Variants in PAK6 observed in about 807,000 individuals in gnomAD.
The protein encoded by PAK6 is serine/threonine-protein kinase PAK 6.
Under a neutral mutation model 60.8 loss-of-function variants are expected in PAK6, and 33 were observed. The ratio of observed to expected loss-of-function variants is 0.54; its 90% CI spans 0.41 to 0.73. The LOEUF (loss-of-function observed/expected upper bound fraction) is 0.73. Among genes scored for constraint, PAK6 ranks in the 30% least tolerant of loss-of-function variants. The pLI, the probability that PAK6 is intolerant of heterozygous loss-of-function variation, is 0.00. For synonymous variants in PAK6, 404 were observed against 378.5 expected, an observed-to-expected ratio of 1.07 and a Z score of -0.78; for missense variants, 845 against 904.1, an observed-to-expected ratio of 0.93 and a Z score of 0.84.
At chr15:40,247,993 A>G (rs1373520907) in intron 2 of PAK6, among the ~76,000 whole-genome samples, 3 of 152,188 alleles carry the variant, frequency 2.0e-5, no homozygotes, top group Non-Finnish European at 4.4e-5. Context: ...CTGCTCCTCC[A>G]TAGCCCTGTA....
intron 9 of PAK6, 109 bp from the exon 10 acceptor site, chr15:40,274,033 C>T: frequency 7.5e-7 from 1 of 1,333,364 alleles, no homozygotes; most frequent in Non-Finnish European, 1.1e-6. Context: ...ACAGACCCAC[C>T]AAGGAGAGCT....
chr15:40,272,911 T>C (rs1408924116), exon 7 of PAK6: 1 of 1,614,092 alleles, frequency 6.2e-7, no homozygotes, highest in South Asian at 1.1e-5. Flanking sequence ...GGTGGAGATG[T>C]ACAAGAGCTA....
intron 2 of PAK6, among the ~76,000 whole-genome samples, chr15:40,243,542 G>A (rs1002030007): frequency 2.5e-4 from 38 of 152,184 alleles, no homozygotes; most frequent in African/African-American, 8.0e-4. Flanking sequence ...TATTATCACC[G>A]TGATGATAAC....
At chr15:40,262,491 G>A (rs2039008901) in intron 3 of PAK6, among the ~76,000 whole-genome samples, 2 of 151,622 alleles carry the variant, frequency 1.3e-5, no homozygotes, top group South Asian at 4.2e-4. Context: ...GCGACAGGGC[G>A]GCAAGACTCC....
intron 3 of PAK6, among the ~76,000 whole-genome samples, chr15:40,260,982 A>G (rs907574354): frequency 6.6e-6 from 1 of 151,038 alleles, no homozygotes; most frequent in African/African-American, 2.4e-5. Flanking sequence ...TCCGCCTCCC[A>G]GGTTCACGCC....
At chr15:40,239,635 C>T (rs559357162) in exon 1 of PAK6, 1 of 152,600 alleles carries the variant, frequency 6.6e-6, no homozygotes, top group South Asian at 2.1e-4. Flanking sequence ...TGTGTGTGTC[C>T]TCTGGAGGTG....
exon 4 of PAK6, chr15:40,264,908 G>A (rs1449703752): frequency 1.2e-6 from 2 of 1,613,804 alleles, no homozygotes; most frequent in African/African-American, 2.7e-5. Context: ...CACAATGGCA[G>A]AACATCCTGG....
intron 3 of PAK6, chr15:40,259,987 G>A (rs563514337): frequency 7.9e-5 from 12 of 151,944 alleles, no homozygotes; most frequent in Non-Finnish European, 1.8e-4. Flanking sequence ...ATTACCATTG[G>A]CAAAATCTTT....
chr15:40,264,723 C>A, intron 3 of PAK6, 58 bp from the exon 4 acceptor site: 4 of 1,496,956 alleles, frequency 2.7e-6, no homozygotes, highest in Non-Finnish European at 3.7e-6. Flanking sequence ...TGCCCCAGGC[C>A]CTGCTGCAGC....
chr15:40,276,149 C>G lies in PAK6; in HGVS notation c.*55C>G, dbSNP rs964230654. On this transcript the variant is annotated 3_prime_UTR_variant, in exon 11 of 11. Transcript: ENST00000560346. ...CCCACAGGCAGGGCACACTGGGCAG[C>G]CAGCCTGCCGGCAGGACTTGCCTGC... The G allele has an allele frequency of 1.9e-6, 3 of 1,550,410 alleles. No homozygotes were observed. In the East Asian group the frequency reaches 6.8e-5, roughly 35 times the overall value.
intron 1 of PAK6, 63 bp downstream of exon 1, chr15:40,239,865 T>C (rs2038268876): frequency 6.6e-6 from 1 of 152,522 alleles, no homozygotes; most frequent in African/African-American, 2.4e-5. Flanking sequence ...TGTAAGCCAG[T>C]GTGTGTGCCG....
At chr15:40,251,748 T>G (rs1244318216) in intron 2 of PAK6, 1 of 152,418 alleles carries the variant, frequency 6.6e-6, no homozygotes, top group East Asian at 1.9e-4. Flanking sequence ...GTCTTCTCAC[T>G]TCTTTATCTG....
At chr15:40,269,929 GC>G (rs2140987829) in intron 5 of PAK6, among the ~76,000 whole-genome samples, 1 of 152,346 alleles carries the variant, frequency 6.6e-6, no homozygotes, top group African/African-American at 2.4e-5. Context: ...CCATGCAGAA[GC>G]CCTCAAGGCC....
At chr15:40,244,379 T>C (rs1203711802) in intron 2 of PAK6, among the ~76,000 whole-genome samples, 1 of 145,248 alleles carries the variant, frequency 6.9e-6, no homozygotes, top group African/African-American at 2.5e-5. Flanking sequence ...CTCAGAGACT[T>C]TTGTTTTCTC....
At chr15:40,266,131 G>C (rs1356881607) in exon 5 of PAK6, 2 of 1,609,888 alleles carry the variant, frequency 1.2e-6, no homozygotes, top group Admixed American at 3.3e-5. Flanking sequence ...GAGCCACAGA[G>C]CCCACGGGTC....
At chr15:40,249,414 T>C (rs1254630292) in intron 2 of PAK6, among the ~76,000 whole-genome samples, 2 of 152,234 alleles carry the variant, frequency 1.3e-5, no homozygotes, top group Non-Finnish European at 2.9e-5. Flanking sequence ...AAAATGCGAA[T>C]AATAATTGTA....
In PAK6 at chr15:40,265,839, C is replaced by A. The variant is rs764463480; in HGVS notation, c.205-3C>A. The A allele has an allele frequency of 1.5e-5, 23 of 1,516,206 alleles. No homozygotes were observed. Among genetic ancestry groups the A allele is most frequent in the Non-Finnish European group, 2.0e-5 (23 of 1,130,588 alleles). 93.9% of individuals were successfully genotyped at this position (1,516,206 alleles called of 1,614,324 possible). A position where few individuals can be genotyped will look rare whatever the true frequency, so the allele number is the denominator to read the frequency against. On this transcript the variant is annotated splice_polypyrimidine_tract_variant and splice_region_variant and intron_variant, in intron 4 of 10. Coordinates refer to ENST00000560346, the Ensembl canonical transcript of PAK6. ...CACACACTCTTTTCTCTTCCCCCTA[C>A]AGACAGTGGTGCGGGGCAGCGCGAT...
exon 6 of PAK6, chr15:40,272,567 G>A (rs1372374637): frequency 6.2e-7 from 1 of 1,613,488 alleles, no homozygotes; most frequent in Admixed American, 1.7e-5. Flanking sequence ...GTGGACCAGG[G>A]TGACCCCCGG....
chr15:40,269,106 C>A (rs547427416), intron 5 of PAK6, among the ~76,000 whole-genome samples: 2 of 152,334 alleles, frequency 1.3e-5, no homozygotes, highest in African/African-American at 2.4e-5. Context: ...GCAACCTCCA[C>A]CTCCTGGGTT....
Sources: gnomAD v4.1 joint callset for allele counts (sites outside exome capture counted in the v4.1 genomes callset) on GRCh38, gnomAD v4.1.1 for gene constraint, MANE v1.5 for transcripts, NCBI Gene and HGNC (gene_info 2026-07-23, HGNC 2026-07-21) for gene names.